The following HEATR3 variants were observed in gnomAD, a reference collection of about 807,000 sequenced individuals.
HEATR3 encodes the protein HEAT repeat-containing protein 3.
A neutral mutation model predicts 72.8 loss-of-function variants in HEATR3; 56 were observed. That is an observed-to-expected ratio of 0.77 (90% confidence interval 0.62 to 0.96). The LOEUF is 0.96. Among genes scored for constraint, HEATR3 ranks in the 40% least tolerant of loss-of-function variants. HEATR3 has a pLI of 0.00. For missense variants in HEATR3, 747 were observed against 831.4 expected, an observed-to-expected ratio of 0.90 and a Z score of 1.25; for synonymous variants, 331 against 318.1, an observed-to-expected ratio of 1.04 and a Z score of -0.43.
At position 50,091,462 on chromosome 16, in the gene HEATR3, G is replaced by A. The variant is rs571662110; in HGVS notation, c.1511-3243G>A. 3.7e-3 allele frequency among the ~76,000 whole-genome samples: 565 copies of A among 151,898 alleles called. 2 individuals carry two copies. The highest frequency in any genetic ancestry group is 0.012 in the African/African-American group (511 of 41,422). ...AGCCTGAGCGACAGAGTGATACTCC[G>A]TCTAAAAAACATAATAATAATAAAA... On this transcript the variant is annotated intron_variant, in intron 11 of 14. Transcript: ENST00000299192.
chr16:50,103,683 C>G lies in HEATR3; in HGVS notation c.1920+1248C>G, dbSNP rs559682022. 2.7e-4 allele frequency among the ~76,000 whole-genome samples: 41 copies of G among 152,308 alleles called. No homozygotes were observed. In the East Asian group the frequency reaches 7.5e-3, roughly 28 times the overall value. On this transcript the variant is annotated intron_variant, in intron 14 of 14. Coordinates refer to ENST00000299192, the MANE Select transcript of HEATR3 (RefSeq NM_182922.4). ...GTTGCACACTAAAACCTGAGAGCCA[C>G]TGCTCTAGACTAGAGGTGAGATCAA...
chr16:50,082,782 A>G (rs1050067603), intron 7 of HEATR3, among the ~76,000 whole-genome samples: 1 of 149,570 alleles, frequency 6.7e-6, no homozygotes, highest in Non-Finnish European at 1.5e-5. Context: ...AAGCAGGTAA[A>G]TTTTTTTTCT....
At chr16:50,085,180 T>G (rs2036962192) in intron 10 of HEATR3, among the ~76,000 whole-genome samples, 1 of 150,312 alleles carries the variant, frequency 6.7e-6, no homozygotes, top group South Asian at 2.1e-4. Flanking sequence ...GTCAGGGAGG[T>G]GGGATATTAT....
At chr16:50,094,972 A>G (rs2037200816) in intron 12 of HEATR3, among the ~76,000 whole-genome samples, 179 bp downstream of exon 12, 1 of 152,222 alleles carries the variant, frequency 6.6e-6, no homozygotes. Flanking sequence ...GCTCCCTACC[A>G]TCAGCAACAC....
At position 50,066,275 on chromosome 16, in the gene HEATR3, G is replaced by T. The variant is rs2036487801; in HGVS notation, c.138+6G>T. ...CGGCGGAGCTGCTGGAAAAGGTGAG[G>T]CGAGGGCTCCGTCGGGCCGGGAGGC... is the stretch of plus-strand genomic sequence containing the variant. On this transcript the variant is annotated splice_donor_region_variant and intron_variant, in intron 1 of 14. Coordinates refer to ENST00000299192, the MANE Select transcript of HEATR3 (RefSeq NM_182922.4). The T allele has an allele frequency of 6.4e-7, 1 of 1,573,434 alleles. No individual in the cohort carries two copies. Among genetic ancestry groups the T allele is most frequent in the Non-Finnish European group, 8.6e-7 (1 of 1,163,892 alleles).
At chr16:50,079,873 G>T (rs2036827980) in intron 7 of HEATR3, among the ~76,000 whole-genome samples, 1 of 152,186 alleles carries the variant, frequency 6.6e-6, no homozygotes, top group African/African-American at 2.4e-5. Flanking sequence ...GCTGAGAACA[G>T]TGCCGTGGCC....
chr16:50,067,578 G>A (rs928484792), intron 2 of HEATR3, among the ~76,000 whole-genome samples: 2 of 149,526 alleles, frequency 1.3e-5, no homozygotes, highest in Non-Finnish European at 3.0e-5. Flanking sequence ...AGGCTGGAGA[G>A]AGGGATGAGC....
chr16:50,068,197 G>A (rs556812245), intron 2 of HEATR3, among the ~76,000 whole-genome samples: 1 of 152,342 alleles, frequency 6.6e-6, no homozygotes, highest in Admixed American at 6.5e-5. Context: ...GACTAGCACA[G>A]TGCTGTGTAC....
intron 6 of HEATR3, among the ~76,000 whole-genome samples, chr16:50,077,949 T>G (rs2036775925): frequency 7.2e-6 from 1 of 138,420 alleles, no homozygotes; most frequent in South Asian, 2.3e-4. Context: ...AGATCTCGGC[T>G]CACTGCAACC....
chr16:50,099,403 A>C (rs940719939), intron 12 of HEATR3, among the ~76,000 whole-genome samples: 2 of 152,144 alleles, frequency 1.3e-5, no homozygotes, highest in African/African-American at 4.8e-5. Context: ...CCAAGAGTTC[A>C]AGAACAGCCT....
Position 50,072,732 on chromosome 16 carries a change from G to C in HEATR3, c.622+18G>C. The stretch of plus-strand genomic sequence containing the variant: ...TTCAGTAGGTAAGTGAAGAAAAGGT[G>C]ATGACTTATTAAGAATGTGTAGCCT... On this transcript the variant is annotated intron_variant, in intron 5 of 14. Coordinates refer to ENST00000299192, the MANE Select transcript of HEATR3 (RefSeq NM_182922.4). The C allele has an allele frequency of 2.8e-6, 4 of 1,418,502 alleles. No homozygotes were observed. Among genetic ancestry groups the C allele is most frequent in the Non-Finnish European group, 4.0e-6 (4 of 1,001,082 alleles). 87.9% of individuals were successfully genotyped at this position (1,418,502 alleles called of 1,614,324 possible).
intron 2 of HEATR3, among the ~76,000 whole-genome samples, chr16:50,068,041 A>T (rs1418170627): frequency 6.6e-6 from 1 of 152,118 alleles, no homozygotes. Context: ...GGCATTCACC[A>T]GTTGATGGAG....
At chr16:50,085,715 G>C (rs1464018794) in intron 10 of HEATR3, among the ~76,000 whole-genome samples, 1 of 152,096 alleles carries the variant, frequency 6.6e-6, no homozygotes, top group Non-Finnish European at 1.5e-5. Context: ...AATGAGTTGT[G>C]TATCAGAGGC....
Position 50,084,269 on chromosome 16 carries a change from C to T in HEATR3, c.1268C>T (p.Thr423Ile). The T allele has an allele frequency of 3.1e-6, 5 of 1,614,014 alleles. No individual in the cohort carries two copies. Among genetic ancestry groups the T allele is most frequent in the Non-Finnish European group, 4.2e-6 (5 of 1,180,020 alleles). ...TCCCATGAAGTTCACACGGCTCTCA[C>T]CAACTACCTCATCCCAAAGAAGGTA... ...CLSHEVHTAL[T>I]NYLIPKKIFE... Residue 423 changes from threonine (T) to isoleucine (I), a missense_variant, in exon 9 of 15, where the codon ACC (threonine) becomes ATC (isoleucine). Coordinates refer to ENST00000299192, the MANE Select transcript of HEATR3 (RefSeq NM_182922.4).
At chr16:50,066,637 A>C in intron 2 of HEATR3, 98 bp downstream of exon 2, 2 of 1,079,704 alleles carry the variant, frequency 1.9e-6, no homozygotes, top group Non-Finnish European at 2.4e-6. Context: ...TCTGTGTGCC[A>C]TCAGGCACTG....
rs764821786 is a variant in HEATR3, at chr16:50,079,006, A to G, written c.1029A>G (p.Ser343=). 2.5e-6 allele frequency: 4 copies of G among 1,611,714 alleles called. No individual in the cohort carries two copies. In the African/African-American group the frequency reaches 5.3e-5, roughly 22 times the overall value. Residue 343 remains serine, a synonymous_variant, in exon 7 of 15, where the codon TCA becomes TCG. Coordinates refer to ENST00000299192, the MANE Select transcript of HEATR3 (RefSeq NM_182922.4). ...GAGTCAGAAGGAAAACTTTCGTTTCAGATTTACTTCCGGTAAGTCAGGTTG... is the reference window on the plus strand; with the variant it reads ...GAGTCAGAAGGAAAACTTTCGTTTCGGATTTACTTCCGGTAAGTCAGGTTG... ...KRRVRRKTFV[S]DLLPPTDKEL... is the part of the protein sequence containing the mutation.
chr16:50,077,391 G>A (rs1484324541), intron 6 of HEATR3, among the ~76,000 whole-genome samples: 3 of 151,498 alleles, frequency 2.0e-5, no homozygotes, highest in South Asian at 2.1e-4. Context: ...CTGAGCTCTT[G>A]TAATCTGCCC....
intron 14 of HEATR3, among the ~76,000 whole-genome samples, chr16:50,103,657 C>T (rs77985362): frequency 0.028 from 4,278 of 152,156 alleles, 189 homozygotes; most frequent in African/African-American, 0.095. Context: ...CAGATGATAC[C>T]GTTGCACACT....
chr16:50,101,302 G>A (rs539929663), intron 13 of HEATR3, among the ~76,000 whole-genome samples: 2 of 152,140 alleles, frequency 1.3e-5, no homozygotes, highest in South Asian at 4.2e-4. Flanking sequence ...TTTTAATAGA[G>A]ATGGGGTTTC....
Sources: gnomAD v4.1 joint callset for allele counts (sites outside exome capture counted in the v4.1 genomes callset) on GRCh38, gnomAD v4.1.1 for gene constraint, MANE v1.5 for transcripts, NCBI Gene and HGNC (gene_info 2026-07-23, HGNC 2026-07-21) for gene names.